Variants in PRRX1 observed in about 807,000 individuals in gnomAD.
PRRX1 encodes paired related homeobox 1, also known as paired mesoderm homeobox protein 1.
Under a neutral mutation model 24.0 loss-of-function variants are expected in PRRX1, and 8 were observed. That is an observed-to-expected ratio of 0.33 (90% CI 0.20 to 0.60). PRRX1 has a LOEUF of 0.60. PRRX1 is among the 20% of genes least tolerant of loss of function. PRRX1 has a pLI of 0.82. For synonymous variants in PRRX1, 160 were observed against 131.7 expected, an observed-to-expected ratio of 1.22 and a Z score of -1.47; for missense variants, 281 against 322.4, an observed-to-expected ratio of 0.87 and a Z score of 0.98.
chr1:170,672,974 T>G (rs115676728), intron 1 of PRRX1, among the ~76,000 whole-genome samples: 1 of 152,030 alleles, frequency 6.6e-6, no homozygotes, highest in Non-Finnish European at 1.5e-5. Context: ...GCCACAGAGG[T>G]CTCCTAAATG....
intron 1 of PRRX1, among the ~76,000 whole-genome samples, chr1:170,708,509 C>T (rs573978203): frequency 4.6e-5 from 7 of 152,180 alleles, no homozygotes; most frequent in Admixed American, 1.3e-4. Context: ...AGAAAGGGAA[C>T]AGAAAACACG....
chr1:170,681,206 C>A (rs1304108393), intron 1 of PRRX1, among the ~76,000 whole-genome samples: 1 of 152,138 alleles, frequency 6.6e-6, no homozygotes, highest in Admixed American at 6.5e-5. Flanking sequence ...GATATTGCCA[C>A]CCCCACCTTA....
chr1:170,737,015 A>G lies in PRRX1; in HGVS notation c.*829A>G. 1 of 194,440 alleles carries G rather than the reference A, an allele frequency of 5.1e-6. No homozygotes were observed. Among genetic ancestry groups the G allele is most frequent in the Non-Finnish European group, 1.1e-5 (1 of 93,050 alleles). The allele number at this position is 194,440 out of a possible 1,614,324, so 12.0% of individuals were successfully genotyped here. The stretch of plus-strand genomic sequence containing the variant: ...GCTGTCACAGACTATTTGGTAGAAG[A>G]AATATTTTTCACCTGAGAGAGGAAG... On this transcript the variant is annotated 3_prime_UTR_variant, in exon 4 of 4. Transcript: ENST00000239461.
chr1:170,733,319 G>A (rs1056298610), intron 3 of PRRX1, among the ~76,000 whole-genome samples: 1 of 151,970 alleles, frequency 6.6e-6, no homozygotes, highest in Non-Finnish European at 1.5e-5. Flanking sequence ...ATCTCCCCAA[G>A]GTTCTAATCT....
rs1468264042 is a variant in PRRX1, at chr1:170,739,040, T to C, written c.*2854T>C. The C allele has an allele frequency of 9.1e-6, 2 of 219,272 alleles. No individual in the cohort carries two copies. The highest frequency in any genetic ancestry group is 1.8e-5 in the Non-Finnish European group (2 of 109,264). 13.6% of individuals were successfully genotyped at this position (219,272 alleles called of 1,614,324 possible). ...ATTTTTAAAATACAAGTTTGGTATG[T>C]GATTTGGAAAAGATGCCTTCTGGAT... is the stretch of plus-strand genomic sequence containing the variant. On this transcript the variant is annotated 3_prime_UTR_variant, in exon 4 of 4. Transcript: ENST00000239461.
chr1:170,718,751 T>G lies in PRRX1; in HGVS notation c.242-975T>G, dbSNP rs111547100. On this transcript the variant is annotated intron_variant, in intron 1 of 3. Transcript: ENST00000239461. ...TCAGGCCTTAGGGTGATAGTTTGATTGAGGTGTCAGCACAGCTGGTATTCC... is the reference window on the plus strand; with the variant it reads ...TCAGGCCTTAGGGTGATAGTTTGATGGAGGTGTCAGCACAGCTGGTATTCC... 4.4e-3 allele frequency among the ~76,000 whole-genome samples: 670 copies of G among 152,308 alleles called. 8 individuals are homozygous for G. The highest frequency in any genetic ancestry group is 0.015 in the African/African-American group (614 of 41,558).
At chr1:170,690,761 G>A (rs1209926074) in intron 1 of PRRX1, among the ~76,000 whole-genome samples, 1 of 152,054 alleles carries the variant, frequency 6.6e-6, no homozygotes, top group African/African-American at 2.4e-5. Context: ...GTACCAGAGA[G>A]GCCCTGGAAC....
chr1:170,685,415 G>A (rs945980587), intron 1 of PRRX1, among the ~76,000 whole-genome samples: 3 of 152,154 alleles, frequency 2.0e-5, no homozygotes, highest in South Asian at 4.1e-4. Context: ...AGGCTGACTC[G>A]AGCTAGGGGA....
intron 1 of PRRX1, among the ~76,000 whole-genome samples, chr1:170,688,583 A>G (rs1326886335): frequency 6.6e-6 from 1 of 152,176 alleles, no homozygotes; most frequent in Non-Finnish European, 1.5e-5. Context: ...TTTAAATAAA[A>G]ACATTTAAAT....
intron 1 of PRRX1, among the ~76,000 whole-genome samples, chr1:170,707,798 T>C (rs1654615206): frequency 6.6e-6 from 1 of 152,240 alleles, no homozygotes; most frequent in Non-Finnish European, 1.5e-5. Flanking sequence ...TTGTCCTTGT[T>C]CTTGGTTCAA....
intron 1 of PRRX1, among the ~76,000 whole-genome samples, chr1:170,699,097 G>C (rs1654267632): frequency 6.6e-6 from 1 of 152,140 alleles, no homozygotes; most frequent in South Asian, 2.1e-4. Context: ...CAAATACTTT[G>C]TGCTGAGGAA....
intron 1 of PRRX1, among the ~76,000 whole-genome samples, chr1:170,674,665 T>C (rs1653253285): frequency 6.6e-6 from 1 of 152,164 alleles, no homozygotes; most frequent in African/African-American, 2.4e-5. Flanking sequence ...AGCAAATTTT[T>C]TTTTTTTTGT....
chr1:170,668,452 G>T (rs1463367154), intron 1 of PRRX1: 3 of 152,198 alleles, frequency 2.0e-5, no homozygotes, highest in Admixed American at 1.3e-4. Flanking sequence ...AGACACGCGC[G>T]CACACACGCA....
At chr1:170,704,619 A>G (rs1440665661) in intron 1 of PRRX1, among the ~76,000 whole-genome samples, 2 of 152,194 alleles carry the variant, frequency 1.3e-5, no homozygotes, top group Non-Finnish European at 2.9e-5. Flanking sequence ...GGTGTCATAC[A>G]TCTTTCCTGT....
At chr1:170,684,133 G>T (rs916566509) in intron 1 of PRRX1, among the ~76,000 whole-genome samples, 3 of 152,090 alleles carry the variant, frequency 2.0e-5, no homozygotes, top group Admixed American at 1.3e-4. Flanking sequence ...TCTGCTCCTG[G>T]GGTCATAGAT....
chr1:170,666,273 CCGGGCGT>C (rs1652924435), intron 1 of PRRX1, among the ~76,000 whole-genome samples: 1 of 151,906 alleles, frequency 6.6e-6, no homozygotes, highest in East Asian at 1.9e-4. Flanking sequence ...CAAAAATTAG[CCGGGCGT>C]AGTGCCGAGC....
intron 3 of PRRX1, chr1:170,730,205 G>A (rs370809428): frequency 3.5e-4 from 447 of 1,265,894 alleles, no homozygotes; most frequent in Middle Eastern, 3.0e-3. Context: ...TCATTTGATC[G>A]TGGTCATGGT....
chr1:170,667,089 G>A (rs1206010733), intron 1 of PRRX1, among the ~76,000 whole-genome samples: 1 of 152,132 alleles, frequency 6.6e-6, no homozygotes, highest in Non-Finnish European at 1.5e-5. Flanking sequence ...ACTCGCCCAC[G>A]TGATACTCGG....
chr1:170,681,357 G>A (rs1653499109), intron 1 of PRRX1, among the ~76,000 whole-genome samples: 1 of 152,160 alleles, frequency 6.6e-6, no homozygotes, highest in Non-Finnish European at 1.5e-5. Context: ...TAGAAAATTG[G>A]AAGGAAGTGG....
Sources: allele counts gnomAD v4.1 joint callset (sites outside exome capture counted in the v4.1 genomes callset), GRCh38; gene constraint gnomAD v4.1.1; transcripts MANE v1.5; gene names NCBI Gene and HGNC (gene_info 2026-07-23, HGNC 2026-07-21).